Variants in MIGA1 observed in about 807,000 individuals in gnomAD.
The protein encoded by MIGA1 is mitoguardin 1.
Under a neutral mutation model 82.0 loss-of-function variants are expected in MIGA1, and 58 were observed. That is an observed-to-expected ratio of 0.71 (90% CI 0.57 to 0.88). The LOEUF (loss-of-function observed/expected upper bound fraction) is 0.88, where lower values mean the gene tolerates loss of function less well. Among genes scored for constraint, MIGA1 ranks in the 40% least tolerant of loss-of-function variants. MIGA1 has a pLI of 0.00. For synonymous variants in MIGA1, 249 were observed against 253.6 expected, an observed-to-expected ratio of 0.98 and a Z score of 0.17; for missense variants, 751 against 749.1, an observed-to-expected ratio of 1.00 and a Z score of -0.03.
At chr1:77,869,905 G>A (rs1299596579) in intron 14 of MIGA1, among the ~76,000 whole-genome samples, 1 of 130,724 alleles carries the variant, frequency 7.6e-6, no homozygotes. Context: ...CGGCTGGCCG[G>A]GCGGGGGGCT....
chr1:77,816,164 C>T (rs1284150644), intron 7 of MIGA1, among the ~76,000 whole-genome samples: 1 of 151,800 alleles, frequency 6.6e-6, no homozygotes, highest in Non-Finnish European at 1.5e-5. Context: ...GGCCGATCTC[C>T]ACCTCTTGAC....
At chr1:77,850,767 C>G (rs1685014676) in intron 8 of MIGA1, among the ~76,000 whole-genome samples, 2 of 152,298 alleles carry the variant, frequency 1.3e-5, no homozygotes, top group Middle Eastern at 6.8e-3. Context: ...TCCCCAAACA[C>G]AGTTTTCACT....
At chr1:77,785,522 T>C (rs1418362645) in intron 2 of MIGA1, among the ~76,000 whole-genome samples, 1 of 152,142 alleles carries the variant, frequency 6.6e-6, no homozygotes, top group African/African-American at 2.4e-5. Flanking sequence ...TTTGTATTTT[T>C]AGTAGAGATG....
intron 8 of MIGA1, among the ~76,000 whole-genome samples, chr1:77,851,269 C>T (rs1685039447): frequency 6.6e-6 from 1 of 152,110 alleles, no homozygotes; most frequent in Non-Finnish European, 1.5e-5. Context: ...TATAGTATTA[C>T]TTTTCTTTTT....
intron 5 of MIGA1, chr1:77,811,626 A>C: frequency 6.2e-7 from 1 of 1,612,162 alleles, no homozygotes; most frequent in African/African-American, 1.3e-5. Context: ...TGAATTCAGA[A>C]TTATTGTGTT....
intron 8 of MIGA1, among the ~76,000 whole-genome samples, chr1:77,844,128 A>C: frequency 8.7e-6 from 1 of 115,362 alleles, no homozygotes; most frequent in Non-Finnish European, 1.7e-5. Flanking sequence ...ATATATATAT[A>C]TATATATATA....
At chr1:77,861,473 C>G (rs981572702) in intron 12 of MIGA1, 151 bp downstream of exon 12, 1 of 575,472 alleles carries the variant, frequency 1.7e-6, no homozygotes, top group Non-Finnish European at 3.0e-6. Context: ...ATAAACCACA[C>G]TCCTTGTACG....
intron 14 of MIGA1, among the ~76,000 whole-genome samples, chr1:77,869,227 C>T (rs1467468938): frequency 7.3e-6 from 1 of 136,448 alleles, no homozygotes; most frequent in Non-Finnish European, 1.6e-5. Context: ...TGAGTGGACA[C>T]AGCACATGTT....
chr1:77,847,728 A>C, intron 8 of MIGA1: 1 of 1,585,244 alleles, frequency 6.3e-7, no homozygotes, highest in Non-Finnish European at 8.7e-7. Flanking sequence ...GGAAGTACCT[A>C]AATGCAGCTT....
intron 6 of MIGA1, 78 bp downstream of exon 6, chr1:77,813,945 G>A: frequency 2.7e-6 from 4 of 1,487,542 alleles, no homozygotes; most frequent in South Asian, 1.2e-5. Context: ...GTAGAGGTAG[G>A]GTCTCACTGT....
chr1:77,855,360 C>A (rs1356485082), intron 8 of MIGA1, among the ~76,000 whole-genome samples: 1 of 152,132 alleles, frequency 6.6e-6, no homozygotes, highest in Admixed American at 6.5e-5. Context: ...CTTAGTCTTT[C>A]TTTGGCTATG....
At chr1:77,839,696 G>A (rs1384807661) in intron 7 of MIGA1, among the ~76,000 whole-genome samples, 1 of 151,874 alleles carries the variant, frequency 6.6e-6, no homozygotes, top group Non-Finnish European at 1.5e-5. Flanking sequence ...CGTTTTCCAT[G>A]CTGTCACTGT....
intron 7 of MIGA1, among the ~76,000 whole-genome samples, chr1:77,825,706 A>G (rs1380493196): frequency 2.0e-5 from 3 of 152,194 alleles, no homozygotes; most frequent in Admixed American, 2.0e-4. Flanking sequence ...GTTTATGTTT[A>G]TTTGTAGCTT....
chr1:77,867,379 C>T (rs1685711391), intron 14 of MIGA1, among the ~76,000 whole-genome samples: 1 of 152,190 alleles, frequency 6.6e-6, no homozygotes, highest in Admixed American at 6.5e-5. Flanking sequence ...GGCTGGAGTG[C>T]CGTGGCATGA....
chr1:77,812,857 AC>A (rs1383478586), intron 5 of MIGA1, among the ~76,000 whole-genome samples: 1 of 152,034 alleles, frequency 6.6e-6, no homozygotes, highest in African/African-American at 2.4e-5. Flanking sequence ...CAGATTTTTA[AC>A]TCTGGCCCAC....
intron 1 of MIGA1, chr1:77,780,306 TTAGCACGGGAG>T (rs1681849418): frequency 3.1e-6 from 1 of 326,728 alleles, no homozygotes; most frequent in South Asian, 1.2e-4. Context: ...AGAGAATAAT[TTAGCACGGGAG>T]TATTGTGGTG....
intron 12 of MIGA1, among the ~76,000 whole-genome samples, chr1:77,862,477 GCAT>G (rs1685497260): frequency 6.6e-6 from 1 of 151,758 alleles, no homozygotes; most frequent in African/African-American, 2.4e-5. Context: ...TATCGGTCCG[GCAT>G]GGTGGCTCAC....
chr1:77,805,945 A>G (rs1290841961), intron 4 of MIGA1, among the ~76,000 whole-genome samples: 2 of 152,216 alleles, frequency 1.3e-5, no homozygotes, highest in Non-Finnish European at 2.9e-5. Context: ...TCATGATAAT[A>G]GTGTAACAAG....
chr1:77,789,479 G>A (rs1228540765), intron 2 of MIGA1, among the ~76,000 whole-genome samples: 2 of 152,064 alleles, frequency 1.3e-5, no homozygotes, highest in African/African-American at 4.8e-5. Context: ...CAAAGTGCTA[G>A]GATAATGGGT....
Sources: gnomAD v4.1 joint callset for allele counts (sites outside exome capture counted in the v4.1 genomes callset) on GRCh38, gnomAD v4.1.1 for gene constraint, MANE v1.5 for transcripts, NCBI Gene and HGNC (gene_info 2026-07-23, HGNC 2026-07-21) for gene names.